RARS2: variants seen among roughly 807,000 people sequenced by gnomAD.
The protein encoded by RARS2 is arginyl-tRNA synthetase 2, mitochondrial, also known as probable arginine--tRNA ligase, mitochondrial.
A neutral mutation model predicts 88.5 loss-of-function variants in RARS2; 67 were observed. The observed-to-expected ratio is 0.76, with a 90% CI of 0.62 to 0.93. The LOEUF is 0.93. Ranked by LOEUF, RARS2 falls within the 40% of genes least tolerant of loss-of-function variation. RARS2 has a pLI of 0.00. For synonymous variants in RARS2, 239 were observed against 230.3 expected (o/e 1.04, Z -0.34); for missense variants, 664 against 684.2 (o/e 0.97, Z 0.33).
intron 8 of RARS2, among the ~76,000 whole-genome samples, chr6:87,541,459 A>T (rs961998153): frequency 6.6e-6 from 1 of 151,706 alleles, no homozygotes; most frequent in Non-Finnish European, 1.5e-5. Context: ...TGCAAGTGTG[A>T]GTCACTGTGC....
chr6:87,524,307 T>C (rs574933199), intron 11 of RARS2, among the ~76,000 whole-genome samples: 2 of 152,336 alleles, frequency 1.3e-5, no homozygotes, highest in Admixed American at 1.3e-4. Flanking sequence ...CTGGTATTTA[T>C]GTGCATGTAA....
chr6:87,538,462 A>C (rs1779860572), intron 8 of RARS2, among the ~76,000 whole-genome samples: 1 of 152,230 alleles, frequency 6.6e-6, no homozygotes, highest in Non-Finnish European at 1.5e-5. Context: ...TAAAGGCAGG[A>C]AATTATATTA....
At chr6:87,576,656 T>G (rs1216401735) in intron 1 of RARS2, among the ~76,000 whole-genome samples, 1 of 152,310 alleles carries the variant, frequency 6.6e-6, no homozygotes, top group Non-Finnish European at 1.5e-5. Context: ...AATTTAAAAG[T>G]ATTTGTAATA....
rs34513746 is a variant in RARS2, at chr6:87,548,451, C to T, written c.451+140G>A. ...CAGTGTAACCAATGTCATCCATTTCCTGAATTGGCAGGAGGCTCATATAAA... is the reference window on the plus strand; with the variant it reads ...CAGTGTAACCAATGTCATCCATTTCTTGAATTGGCAGGAGGCTCATATAAA... On this transcript the variant is annotated intron_variant, in intron 6 of 19. Transcript: ENST00000369536. 246,155 of 766,660 alleles carry T rather than the reference C, an allele frequency of 0.32. 40,616 individuals carry two copies. Among genetic ancestry groups the T allele is most frequent in the Admixed American group, 0.45 (17,641 of 39,622 alleles). 47.5% of individuals were successfully genotyped at this position (766,660 alleles called of 1,614,324 possible).
intron 9 of RARS2, 101 bp downstream of exon 9, chr6:87,530,683 C>A: frequency 6.8e-7 from 1 of 1,464,260 alleles, no homozygotes; most frequent in South Asian, 1.2e-5. Context: ...ACCTACAAAT[C>A]TATTTTTAAA....
In RARS2 at chr6:87,548,658, A is replaced by T. The variant is rs1355099300; in HGVS notation, c.396-12T>A. 3 of 1,610,398 alleles carry T rather than the reference A, an allele frequency of 1.9e-6. No individual in the cohort carries two copies. The highest frequency in any genetic ancestry group is 1.7e-4 in the Middle Eastern group (1 of 6,042). On this transcript the variant is annotated splice_polypyrimidine_tract_variant and intron_variant, in intron 5 of 19. Coordinates refer to ENST00000369536, the MANE Select transcript of RARS2 (RefSeq NM_020320.5). ...CAACATTAGGTGAACTGCAAAAAAA[A>T]TGGGAAACATTTCTCTATTCTAAGA...
At chr6:87,539,755 T>C (rs917033231) in intron 8 of RARS2, among the ~76,000 whole-genome samples, 2 of 152,198 alleles carry the variant, frequency 1.3e-5, no homozygotes, top group Admixed American at 6.5e-5. Flanking sequence ...GAGTGTACCC[T>C]TTCTGCAGAG....
intron 8 of RARS2, among the ~76,000 whole-genome samples, chr6:87,540,519 A>G (rs1452125898): frequency 6.6e-6 from 1 of 152,116 alleles, no homozygotes; most frequent in Non-Finnish European, 1.5e-5. Context: ...CTGCAGGAAA[A>G]AATCACGTTA....
At chr6:87,540,720 C>A (rs150685387) in intron 8 of RARS2, among the ~76,000 whole-genome samples, 194 of 152,034 alleles carry the variant, frequency 1.3e-3, no homozygotes, top group African/African-American at 4.0e-3. Flanking sequence ...ACAGGGACAA[C>A]AAAAAGGAAA....
intron 1 of RARS2, among the ~76,000 whole-genome samples, chr6:87,583,380 G>A (rs1418893803): frequency 3.3e-5 from 5 of 152,050 alleles, no homozygotes; most frequent in African/African-American, 7.2e-5. Context: ...ACCTGAGGTC[G>A]GGAGTTTGAG....
At chr6:87,583,589 C>CA (rs5878038) in intron 1 of RARS2, among the ~76,000 whole-genome samples, 16,435 of 125,242 alleles carry the variant, frequency 0.13, 959 homozygotes, top group East Asian at 0.18. Context: ...AACTGCGTCT[C>CA]AAAAAAAAAA....
intron 8 of RARS2, among the ~76,000 whole-genome samples, chr6:87,535,793 C>T (rs547335299): frequency 2.9e-4 from 44 of 151,144 alleles, no homozygotes; most frequent in Non-Finnish European, 3.7e-4. Context: ...TCTCGTCCCT[C>T]GGCCTCCTGA....
At chr6:87,542,209 C>T (rs1374368397) in intron 7 of RARS2, among the ~76,000 whole-genome samples, 3 of 152,144 alleles carry the variant, frequency 2.0e-5, no homozygotes, top group Non-Finnish European at 2.9e-5. Flanking sequence ...GAATAGATCA[C>T]TGAAATTAAG....
chr6:87,560,662 G>C (rs1582694214), intron 4 of RARS2, among the ~76,000 whole-genome samples: 1 of 152,214 alleles, frequency 6.6e-6, no homozygotes. Context: ...ACTTTGGGAG[G>C]GTGAGGTGGG....
At position 87,518,686 on chromosome 6, in the gene RARS2, G is replaced by T; in HGVS notation, c.1359C>A (p.Phe453Leu). 3 of 1,614,044 alleles carry T rather than the reference G, an allele frequency of 1.9e-6. No homozygotes were observed. Among genetic ancestry groups the T allele is most frequent in the Non-Finnish European group, 2.5e-6 (3 of 1,179,972 alleles). The change falls in exon 16 of 20, where the codon TTC (phenylalanine) becomes TTA (leucine). Residue 453 changes from phenylalanine to leucine, a missense_variant. Physicochemically the swap from Phe to Leu is conservative, Grantham distance 22. Coordinates refer to ENST00000369536, the MANE Select transcript of RARS2 (RefSeq NM_020320.5). Reference sequence around the variant, plus strand: ...AGACTCCTGTGTCCCCGCGACTCTGGAAAACACGATCCCAGCTGAACTTGT... The same window carrying T: ...AGACTCCTGTGTCCCCGCGACTCTGTAAAACACGATCCCAGCTGAACTTGT... ...SDYKFSWDRV[F>L]QSRGDTGVFL... is the part of the protein sequence containing the mutation.
chr6:87,589,731 C>G lies in RARS2; in HGVS notation c.36+191G>C, dbSNP rs775891077. The G allele has an allele frequency of 4.5e-4, 439 of 985,260 alleles. 1 individual carries two copies. Among genetic ancestry groups the G allele is most frequent in the Non-Finnish European group, 5.2e-4 (429 of 829,916 alleles). 61.0% of individuals were successfully genotyped at this position (985,260 alleles called of 1,614,324 possible). On this transcript the variant is annotated intron_variant, in intron 1 of 19. Transcript: ENST00000369536. ...AAAGTTTACTTTTCACCGAGACAAA[C>G]TGATCCCAGCCGACGCTCCACAGGA...
intron 14 of RARS2, chr6:87,519,292 T>A (rs1470510918): frequency 2.6e-6 from 1 of 377,918 alleles, no homozygotes; most frequent in East Asian, 6.4e-5. Flanking sequence ...GTGACTTGTA[T>A]CCAAATTATA....
At chr6:87,559,785 G>A (rs973412737) in intron 4 of RARS2, among the ~76,000 whole-genome samples, 6 of 152,042 alleles carry the variant, frequency 3.9e-5, no homozygotes, top group Admixed American at 6.6e-5. Flanking sequence ...TAATGTCCTA[G>A]GCCTTCACAT....
chr6:87,581,249 T>C (rs1002418473), intron 1 of RARS2, among the ~76,000 whole-genome samples: 2 of 152,196 alleles, frequency 1.3e-5, no homozygotes, highest in African/African-American at 4.8e-5. Context: ...ATCCATATCT[T>C]TAGCAACCAG....
Sources: gnomAD v4.1 joint callset for allele counts (sites outside exome capture counted in the v4.1 genomes callset) on GRCh38, gnomAD v4.1.1 for gene constraint, MANE v1.5 for transcripts, NCBI Gene and HGNC (gene_info 2026-07-23, HGNC 2026-07-21) for gene names.